CDYL2: variants seen among roughly 807,000 people sequenced by gnomAD.
CDYL2 encodes the protein chromodomain Y-like protein 2.
In CDYL2, 23 loss-of-function variants were observed where a neutral mutation model predicts 49.4. That is an observed-to-expected ratio of 0.47 (90% CI 0.34 to 0.66). CDYL2 has a LOEUF of 0.66. Among genes scored for constraint, CDYL2 ranks in the 30% least tolerant of loss-of-function variants. CDYL2 has a pLI of 0.01. For missense variants in CDYL2, 678 were observed against 656.4 expected, an observed-to-expected ratio of 1.03 and a Z score of -0.36; for synonymous variants, 360 against 268.8, an observed-to-expected ratio of 1.34 and a Z score of -3.32.
intron 1 of CDYL2, among the ~76,000 whole-genome samples, chr16:80,692,248 C>T (rs1910446447): frequency 6.6e-6 from 1 of 152,216 alleles, no homozygotes; most frequent in South Asian, 2.1e-4. Context: ...TGCAAAGCTT[C>T]TTCATTTCAA....
rs111386556 is a variant in CDYL2 at position 80,635,431 on chromosome 16, C to A, written c.617-2195G>T. Among the ~76,000 whole-genome samples the A allele has an allele frequency of 1.9e-4, 29 of 151,992 alleles. 1 individual carries two copies. Among genetic ancestry groups the A allele is most frequent in the African/African-American group, 4.1e-4 (17 of 41,508 alleles). ...ATTCCTACACAACAATAACAGACAGCCAGCCAAATCATGAGTGAACTACCA... is the reference window on the plus strand; with the variant it reads ...ATTCCTACACAACAATAACAGACAGACAGCCAAATCATGAGTGAACTACCA... On this transcript the variant is annotated intron_variant, in intron 2 of 6. Transcript: ENST00000570137.
chr16:80,722,531 G>T (rs932549918), intron 1 of CDYL2, among the ~76,000 whole-genome samples: 1 of 152,216 alleles, frequency 6.6e-6, no homozygotes, highest in Non-Finnish European at 1.5e-5. Context: ...GGGCACACAA[G>T]CTGCATGTAT....
rs990686902 is a variant in CDYL2, at chr16:80,705,159, G to A, written c.25-20030C>T. Among the ~76,000 whole-genome samples the A allele has an allele frequency of 3.9e-5, 6 of 152,322 alleles. No homozygotes were observed. The South Asian group carries it at 8.3e-4, about 21-fold the overall frequency. On this transcript the variant is annotated intron_variant, in intron 1 of 6. Coordinates refer to ENST00000570137, the MANE Select transcript of CDYL2 (RefSeq NM_152342.4). ...TCCGAATGCCCACCAGGGCAGAAGG[G>A]AGCACCAAACATCTGGGACCAGAGG... is the stretch of plus-strand genomic sequence containing the variant.
rs575189489 is a variant in CDYL2, at chr16:80,678,518, C to G, written c.616+6020G>C. 4.0e-3 allele frequency among the ~76,000 whole-genome samples: 602 copies of G among 152,188 alleles called. 2 individuals carry two copies. The highest frequency in any genetic ancestry group is 0.014 in the African/African-American group (580 of 41,488). On this transcript the variant is annotated intron_variant, in intron 2 of 6. Transcript: ENST00000570137. ...CAAAAGACACATGAAAAAATGCTCACCACCACTGGCCATCAGAGAAATGCA... is the reference window on the plus strand; with the variant it reads ...CAAAAGACACATGAAAAAATGCTCAGCACCACTGGCCATCAGAGAAATGCA...
At chr16:80,759,193 A>G (rs1452346051) in intron 1 of CDYL2, among the ~76,000 whole-genome samples, 1 of 145,932 alleles carries the variant, frequency 6.9e-6, no homozygotes, top group Non-Finnish European at 1.5e-5. Flanking sequence ...ATATATATAT[A>G]TAATTTGATA....
At chr16:80,724,764 G>C (rs1905111993) in intron 1 of CDYL2, among the ~76,000 whole-genome samples, 1 of 152,194 alleles carries the variant, frequency 6.6e-6, no homozygotes, top group Non-Finnish European at 1.5e-5. Flanking sequence ...TTACATCTCA[G>C]ATCCATCCAC....
chr16:80,675,253 G>A (rs1042362107), intron 2 of CDYL2, among the ~76,000 whole-genome samples: 1 of 152,124 alleles, frequency 6.6e-6, no homozygotes, highest in African/African-American at 2.4e-5. Flanking sequence ...AGCATCCCCA[G>A]ACCCGGCACC....
intron 2 of CDYL2, among the ~76,000 whole-genome samples, chr16:80,633,527 G>A (rs1907670833): frequency 6.6e-6 from 1 of 152,168 alleles, no homozygotes. Flanking sequence ...TGGCCACAGG[G>A]AATCCACTGA....
At chr16:80,654,759 T>C (rs1316134424) in intron 2 of CDYL2, among the ~76,000 whole-genome samples, 1 of 152,204 alleles carries the variant, frequency 6.6e-6, no homozygotes, top group Non-Finnish European at 1.5e-5. Flanking sequence ...CACCCACAGC[T>C]TCTGTGAAGC....
At chr16:80,637,489 T>C (rs913368208) in intron 2 of CDYL2, among the ~76,000 whole-genome samples, 2 of 152,240 alleles carry the variant, frequency 1.3e-5, no homozygotes, top group Admixed American at 6.5e-5. Context: ...ACAAGACTTG[T>C]CTACATAGAA....
At chr16:80,706,064 T>C (rs868416024) in intron 1 of CDYL2, among the ~76,000 whole-genome samples, 1 of 152,254 alleles carries the variant, frequency 6.6e-6, no homozygotes, top group African/African-American at 2.4e-5. Flanking sequence ...TAGCATCCAG[T>C]GTAGAAGACT....
At chr16:80,641,004 G>A (rs1050115927) in intron 2 of CDYL2, among the ~76,000 whole-genome samples, 3 of 152,208 alleles carry the variant, frequency 2.0e-5, no homozygotes, top group African/African-American at 7.2e-5. Context: ...CCTTAAAGAG[G>A]AGGTAGGGAA....
intron 1 of CDYL2, among the ~76,000 whole-genome samples, chr16:80,754,015 T>C (rs114988784): frequency 0.029 from 4,470 of 152,346 alleles, 212 homozygotes; most frequent in African/African-American, 0.1. Context: ...CATGCCTTAC[T>C]GTACATAAGG....
intron 1 of CDYL2, among the ~76,000 whole-genome samples, chr16:80,743,666 T>C (rs1019112188): frequency 1.3e-5 from 2 of 152,196 alleles, no homozygotes; most frequent in African/African-American, 4.8e-5. Context: ...CTCTGTTTTT[T>C]GTTTGTTTGT....
At chr16:80,621,084 C>T in intron 3 of CDYL2, 149 bp from the exon 4 acceptor site, 1 of 813,246 alleles carries the variant, frequency 1.2e-6, no homozygotes, top group South Asian at 2.3e-5. Context: ...CCCCTGAGTA[C>T]AAGCAAGAGT....
intron 2 of CDYL2, among the ~76,000 whole-genome samples, chr16:80,678,358 C>T (rs1372689730): frequency 5.3e-5 from 8 of 152,126 alleles, no homozygotes; most frequent in Non-Finnish European, 8.8e-5. Flanking sequence ...TCGCAACCTA[C>T]TCATCTGACA....
intron 1 of CDYL2, among the ~76,000 whole-genome samples, chr16:80,740,832 C>T (rs1163495085): frequency 1.3e-5 from 2 of 149,806 alleles, no homozygotes; most frequent in Middle Eastern, 3.6e-3. Context: ...CAAAACTTAA[C>T]TGTGATACAC....
At chr16:80,679,367 G>C (rs941770448) in intron 2 of CDYL2, among the ~76,000 whole-genome samples, 1 of 152,116 alleles carries the variant, frequency 6.6e-6, no homozygotes, top group Non-Finnish European at 1.5e-5. Flanking sequence ...GTCACAAAAT[G>C]TCTCTGTCAG....
intron 2 of CDYL2, among the ~76,000 whole-genome samples, chr16:80,676,528 C>T (rs915177303): frequency 4.5e-4 from 69 of 152,148 alleles, no homozygotes; most frequent in Non-Finnish European, 9.3e-4. Context: ...TCTTCTGGGA[C>T]AAGCTCCTCA....
Sources: allele counts gnomAD v4.1 joint callset (sites outside exome capture counted in the v4.1 genomes callset), GRCh38; gene constraint gnomAD v4.1.1; transcripts MANE v1.5; gene names NCBI Gene and HGNC (gene_info 2026-07-23, HGNC 2026-07-21).